The following DNAH14 variants were observed in gnomAD, a reference collection of about 807,000 sequenced individuals.
DNAH14 encodes the protein dynein axonemal heavy chain 14, also known as axonemal beta dynein heavy chain 14.
DNAH14 carries 478 observed loss-of-function variants against 520.9 expected under a neutral mutation model. The ratio of observed to expected loss-of-function variants is 0.92; its 90% confidence interval spans 0.85 to 0.99. DNAH14 has a LOEUF of 0.99. DNAH14 is among the 50% of genes least tolerant of loss of function. DNAH14 has a pLI of 0.00. For synonymous variants in DNAH14, 1,581 were observed against 1,757.2 expected (o/e 0.90, Z 2.51); for missense variants, 4,831 against 5,234.5 (o/e 0.92, Z 2.38).
intron 76 of DNAH14, 84 bp downstream of exon 76, chr1:225,364,978 T>A: frequency 9.9e-7 from 1 of 1,008,144 alleles, no homozygotes; most frequent in Non-Finnish European, 1.4e-6. Flanking sequence ...ACTCTGAGTT[T>A]AAAAGAGAAA....
At chr1:224,971,142 A>G (rs540169332) in intron 7 of DNAH14, among the ~76,000 whole-genome samples, 1 of 152,352 alleles carries the variant, frequency 6.6e-6, no homozygotes, top group South Asian at 2.1e-4. Context: ...ATTATATCAC[A>G]TCACATTAGG....
rs1574764439 is a variant in DNAH14, at chr1:225,322,848, G to A, written c.9495+25G>A. ...GGTAAAAAGTTGATCTCTAATTGAT[G>A]CATCTCATATTTACAGTCTGTGGGA... On this transcript the variant is annotated intron_variant, in intron 62 of 85. Coordinates refer to ENST00000682510, the MANE Select transcript of DNAH14 (RefSeq NM_001367479.1). 5.2e-6 allele frequency: 8 copies of A among 1,533,604 alleles called. No individual in the cohort carries two copies. In the East Asian group the frequency reaches 1.7e-4, roughly 33 times the overall value. 95.0% of individuals were successfully genotyped at this position (1,533,604 alleles called of 1,614,324 possible). A position where few individuals can be genotyped will look rare whatever the true frequency, so the allele number is the denominator to read the frequency against.
intron 55 of DNAH14, among the ~76,000 whole-genome samples, chr1:225,290,762 A>G (rs577500485): frequency 3.4e-5 from 5 of 148,230 alleles, no homozygotes; most frequent in Non-Finnish European, 7.4e-5. Flanking sequence ...TTAAATTGAC[A>G]TGATAATTGT....
intron 8 of DNAH14, among the ~76,000 whole-genome samples, chr1:224,986,448 T>C (rs2062649076): frequency 6.6e-6 from 1 of 151,970 alleles, no homozygotes; most frequent in Non-Finnish European, 1.5e-5. Context: ...CATGACCAAA[T>C]GGAATCTATC....
At chr1:225,264,159 A>AATAATATAC in intron 46 of DNAH14, 38 bp from the exon 47 acceptor site, 1 of 1,507,678 alleles carries the variant, frequency 6.6e-7, no homozygotes, top group East Asian at 2.5e-5. Flanking sequence ...ATTATGGTAA[A>AATAATATAC]CAAACTAATT....
intron 8 of DNAH14, among the ~76,000 whole-genome samples, chr1:224,989,340 G>A (rs1299193839): frequency 6.6e-6 from 1 of 151,988 alleles, no homozygotes; most frequent in Non-Finnish European, 1.5e-5. Flanking sequence ...ATTATAAATG[G>A]GATTGAGTAT....
intron 60 of DNAH14, 85 bp downstream of exon 60, chr1:225,308,495 T>A: frequency 1.5e-6 from 2 of 1,320,098 alleles, no homozygotes; most frequent in Non-Finnish European, 1.0e-6. Context: ...TCAGACTGAC[T>A]AGTCTTAAAT....
chr1:224,984,440 C>G lies in DNAH14; in HGVS notation c.830+10287C>G, dbSNP rs181598009. Among the ~76,000 whole-genome samples, 701 of 152,154 alleles carry G rather than the reference C, an allele frequency of 4.6e-3. 9 individuals are homozygous for G. The highest frequency in any genetic ancestry group is 0.014 in the African/African-American group (582 of 41,500). On this transcript the variant is annotated intron_variant, in intron 8 of 85. Coordinates refer to ENST00000682510, the MANE Select transcript of DNAH14 (RefSeq NM_001367479.1). ...CTAATACCTGAAACTATAAAAATTCCAGAAGATAACATTGGAAAAACCTTT... is the reference window on the plus strand; with the variant it reads ...CTAATACCTGAAACTATAAAAATTCGAGAAGATAACATTGGAAAAACCTTT...
intron 38 of DNAH14, among the ~76,000 whole-genome samples, chr1:225,195,745 T>C (rs930353186): frequency 1.3e-5 from 2 of 152,072 alleles, no homozygotes; most frequent in Non-Finnish European, 2.9e-5. Context: ...TGTCATTAAA[T>C]ATATGAATAT....
At chr1:225,086,218 C>T (rs902098787) in intron 21 of DNAH14, among the ~76,000 whole-genome samples, 27 of 151,790 alleles carry the variant, frequency 1.8e-4, no homozygotes, top group Non-Finnish European at 3.2e-4. Flanking sequence ...CTGCAAGCTC[C>T]GCCTCCTGGG....
intron 60 of DNAH14, among the ~76,000 whole-genome samples, chr1:225,318,248 C>T (rs76133384): frequency 0.018 from 2,738 of 152,294 alleles, 79 homozygotes; most frequent in African/African-American, 0.061. Context: ...GTTTAAGCTT[C>T]GTAGCTTCAC....
At chr1:225,364,363 C>T (rs1373740531) in intron 75 of DNAH14, among the ~76,000 whole-genome samples, 4 of 152,150 alleles carry the variant, frequency 2.6e-5, no homozygotes, top group Non-Finnish European at 4.4e-5. Flanking sequence ...ATGATGTTCT[C>T]CTATACAGGA....
At chr1:225,248,060 A>G (rs1362480973) in intron 43 of DNAH14, among the ~76,000 whole-genome samples, 2 of 152,176 alleles carry the variant, frequency 1.3e-5, no homozygotes, top group Non-Finnish European at 2.9e-5. Context: ...TATTAGCAAC[A>G]ATAGAGATCA....
intron 10 of DNAH14, among the ~76,000 whole-genome samples, chr1:225,008,757 C>T (rs1332382078): frequency 2.0e-5 from 3 of 151,966 alleles, no homozygotes; most frequent in African/African-American, 7.3e-5. Context: ...GCCCTTCTAA[C>T]TGGCATGAGA....
chr1:225,033,719 A>G (rs1269417396), intron 11 of DNAH14, among the ~76,000 whole-genome samples: 1 of 151,756 alleles, frequency 6.6e-6, no homozygotes, highest in Non-Finnish European at 1.5e-5. Flanking sequence ...ATGTTTTTCT[A>G]TTTCTCTGTG....
At chr1:225,093,242 T>G (rs1264853811) in intron 21 of DNAH14, among the ~76,000 whole-genome samples, 2 of 152,008 alleles carry the variant, frequency 1.3e-5, no homozygotes. Flanking sequence ...ATAAAAATAC[T>G]AGCAAACTGA....
In DNAH14 at chr1:225,075,563, C is replaced by T. The variant is rs2072160415; in HGVS notation, c.2425-3644C>T. ...AATCTTATGAAGTTTGCTAAGCTTCCTTAAAATAATTATTTTTAACCTGGG... is the reference window on the plus strand; with the variant it reads ...AATCTTATGAAGTTTGCTAAGCTTCTTTAAAATAATTATTTTTAACCTGGG... On this transcript the variant is annotated intron_variant, in intron 17 of 85. Transcript: ENST00000682510. Among the ~76,000 whole-genome samples, 3 of 152,000 alleles carry T rather than the reference C, an allele frequency of 2.0e-5. No homozygotes were observed. In the South Asian group the frequency reaches 6.3e-4, roughly 32 times the overall value.
chr1:225,131,765 T>A (rs2078448883), intron 27 of DNAH14, among the ~76,000 whole-genome samples: 1 of 152,134 alleles, frequency 6.6e-6, no homozygotes, highest in Non-Finnish European at 1.5e-5. Flanking sequence ...GAGGGAAAAC[T>A]AGGAAGTTGT....
intron 38 of DNAH14, among the ~76,000 whole-genome samples, chr1:225,200,774 C>T (rs571127525): frequency 1.3e-5 from 2 of 152,268 alleles, no homozygotes; most frequent in Admixed American, 6.5e-5. Context: ...TCTTTTGCCT[C>T]ACAGCTCTTA....
Sources: gnomAD v4.1 joint callset for allele counts (sites outside exome capture counted in the v4.1 genomes callset) on GRCh38, gnomAD v4.1.1 for gene constraint, MANE v1.5 for transcripts, NCBI Gene and HGNC (gene_info 2026-07-23, HGNC 2026-07-21) for gene names.